GNS: variants seen among roughly 807,000 people sequenced by gnomAD.
The protein encoded by GNS is N-acetylglucosamine-6-sulfatase.
GNS carries 40 observed loss-of-function variants against 69.7 expected under a neutral mutation model. That is an observed-to-expected ratio of 0.57 (90% CI 0.45 to 0.75). The LOEUF is 0.75. Ranked by LOEUF, GNS falls within the 30% of genes least tolerant of loss-of-function variation. GNS has a pLI of 0.00. For synonymous variants in GNS, 243 were observed against 251.6 expected (o/e 0.97, Z 0.32); for missense variants, 565 against 685.5 (o/e 0.82, Z 1.96).
At chr12:64,727,242 C>A (rs1463857738) in intron 10 of GNS, among the ~76,000 whole-genome samples, 36 of 144,532 alleles carry the variant, frequency 2.5e-4, no homozygotes, top group African/African-American at 9.2e-4. Flanking sequence ...TCACCCTGAG[C>A]AATGTAGGGA....
rs547272836 is a variant in GNS at position 64,716,075 on chromosome 12, C to T, written c.*666G>A. 1.3e-4 allele frequency: 20 copies of T among 155,158 alleles called. No homozygotes were observed. Among genetic ancestry groups the T allele is most frequent in the African/African-American group, 4.6e-4 (19 of 41,588 alleles). The allele number at this position is 155,158 out of a possible 1,614,324, so 9.6% of individuals were successfully genotyped here. On this transcript the variant is annotated 3_prime_UTR_variant, in exon 14 of 14. Transcript: ENST00000258145. ...ACCTGGAATTGGCCTTTATCACAAG[C>T]TTACTGCTCTATTTCAGTGCAGCAC...
At position 64,716,779 on chromosome 12, in the gene GNS, T is replaced by C. The variant is rs745781388; in HGVS notation, c.1621A>G (p.Ser541Gly). ...TTGGAAAATCTTCGAGTCCTGACAC[T>C]GCCGCGATTGCTGAACATGAGACGG... ...DPRLMFSNRG[S>G]VRTRRFSKHL... The change falls in exon 14 of 14, where the codon AGT (serine) becomes GGT (glycine). Residue 541 changes from serine to glycine, a missense_variant. This residue lies in a region of GNS where 384 missense variants were observed against 511.0 expected (regional missense o/e 0.75). Coordinates refer to ENST00000258145, the MANE Select transcript of GNS (RefSeq NM_002076.4). 46 of 1,613,620 alleles carry C rather than the reference T, an allele frequency of 2.9e-5. No individual in the cohort carries two copies. The highest frequency in any genetic ancestry group is 1.6e-4 in the Middle Eastern group (1 of 6,062).
chr12:64,730,360 T>C (rs1022680390), intron 9 of GNS, among the ~76,000 whole-genome samples: 4 of 69,940 alleles, frequency 5.7e-5, no homozygotes, highest in Admixed American at 1.9e-4. Flanking sequence ...AACAGGGAGA[T>C]AAAACAAAAC....
In GNS at chr12:64,716,807, G is replaced by C; in HGVS notation, c.1593C>G (p.Asp531Glu). The change falls in exon 14 of 14, where the codon GAC becomes GAG. Residue 531 changes from aspartate to glutamate, a missense_variant. Physicochemically the swap from Asp to Glu is conservative, Grantham distance 45. Coordinates refer to ENST00000258145, the MANE Select transcript of GNS (RefSeq NM_002076.4). The stretch of plus-strand genomic sequence containing the variant: ...CGCGATTGCTGAACATGAGACGGGG[G>C]TCAAACCTGTATCTGGGGAGGAAAA... The part of the protein sequence containing the change: ...PGVFDPGYRF[D>E]PRLMFSNRGS... 6.2e-7 allele frequency: 1 copy of C among 1,610,754 alleles called. No individual in the cohort carries two copies. Among genetic ancestry groups the C allele is most frequent in the Non-Finnish European group, 8.5e-7 (1 of 1,176,892 alleles).
intron 3 of GNS, among the ~76,000 whole-genome samples, chr12:64,746,757 T>C (rs527679232): frequency 2.6e-5 from 4 of 152,346 alleles, no homozygotes; most frequent in African/African-American, 9.6e-5. Context: ...TGCAAAGTAG[T>C]GTAAGCTCTC....
intron 10 of GNS, among the ~76,000 whole-genome samples, chr12:64,726,696 A>C (rs890668053): frequency 2.0e-5 from 3 of 152,030 alleles, no homozygotes; most frequent in African/African-American, 4.8e-5. Context: ...GGGTCTTGCC[A>C]TGTTGCCCAG....
intron 1 of GNS, 81 bp downstream of exon 1, chr12:64,759,004 T>C (rs1442846064): frequency 1.7e-6 from 2 of 1,165,072 alleles, no homozygotes; most frequent in Admixed American, 2.0e-5. Flanking sequence ...GGGAGGAGGG[T>C]GGTGGGGACC....
At chr12:64,741,799 G>A (rs999597362) in intron 6 of GNS, among the ~76,000 whole-genome samples, 2 of 152,090 alleles carry the variant, frequency 1.3e-5, no homozygotes, top group Admixed American at 1.3e-4. Context: ...TATTAAGTTT[G>A]AGAAATGCTG....
At chr12:64,749,293 C>T (rs1213452993) in intron 2 of GNS, among the ~76,000 whole-genome samples, 1 of 131,776 alleles carries the variant, frequency 7.6e-6, no homozygotes, top group Non-Finnish European at 1.6e-5. Context: ...CGCTCTATTG[C>T]CCAGGCTGGA....
At chr12:64,744,591 A>T (rs1455725207) in intron 5 of GNS, among the ~76,000 whole-genome samples, 1 of 152,190 alleles carries the variant, frequency 6.6e-6, no homozygotes, top group Non-Finnish European at 1.5e-5. Flanking sequence ...TGTTGCTGGA[A>T]TTTCAAGAGC....
intron 10 of GNS, among the ~76,000 whole-genome samples, chr12:64,725,424 A>G (rs1226448661): frequency 6.6e-6 from 1 of 152,224 alleles, no homozygotes; most frequent in African/African-American, 2.4e-5. Flanking sequence ...TTTCTGGCTG[A>G]AACATTCTCG....
intron 4 of GNS, 140 bp from the exon 5 acceptor site, chr12:64,745,047 T>A: frequency 1.5e-6 from 1 of 648,176 alleles, no homozygotes. Flanking sequence ...TGAATTGGAT[T>A]TTTTGACTAG....
Position 64,715,720 on chromosome 12 carries a change from A to T in GNS, c.*1021T>A, listed in dbSNP as rs1045496510. ...TTTCCACCTTAAAACAAATGAAGAG[A>T]ATGACAGAAAAATGCAGATAGAGCC... On this transcript the variant is annotated 3_prime_UTR_variant, in exon 14 of 14. Transcript: ENST00000258145. 4 of 153,552 alleles carry T rather than the reference A, an allele frequency of 2.6e-5. No homozygotes were observed. Among genetic ancestry groups the T allele is most frequent in the African/African-American group, 9.6e-5 (4 of 41,484 alleles). 9.5% of individuals were successfully genotyped at this position (153,552 alleles called of 1,614,324 possible).
intron 2 of GNS, 130 bp from the exon 3 acceptor site, chr12:64,748,048 A>ATAT (rs1032141656): frequency 6.1e-5 from 42 of 687,916 alleles, no homozygotes; most frequent in Non-Finnish European, 8.9e-5. Context: ...TGGAATATAT[A>ATAT]TATTTTTTTC....
intron 7 of GNS, among the ~76,000 whole-genome samples, chr12:64,740,121 C>G (rs1161536719): frequency 6.6e-6 from 1 of 152,228 alleles, no homozygotes; most frequent in Non-Finnish European, 1.5e-5. Flanking sequence ...TATTTACTAT[C>G]TGCCCCTTTA....
At chr12:64,741,840 T>A (rs1418075690) in intron 6 of GNS, among the ~76,000 whole-genome samples, 3 of 152,206 alleles carry the variant, frequency 2.0e-5, no homozygotes, top group Non-Finnish European at 4.4e-5. Context: ...GAAATTCACA[T>A]TCGATCATGA....
chr12:64,735,209 T>A (rs570662711), intron 9 of GNS, among the ~76,000 whole-genome samples: 15 of 152,350 alleles, frequency 9.8e-5, no homozygotes, highest in African/African-American at 3.4e-4. Flanking sequence ...AGATAATAAA[T>A]ACTTGTTGAC....
chr12:64,727,761 A>G (rs748995052), intron 10 of GNS, among the ~76,000 whole-genome samples: 47 of 152,156 alleles, frequency 3.1e-4, no homozygotes, highest in Non-Finnish European at 6.2e-4. Flanking sequence ...CTGCACCACA[A>G]TTTAATCAAT....
chr12:64,736,122 G>T lies in GNS; in HGVS notation c.1098+882C>A, dbSNP rs566308716. On this transcript the variant is annotated intron_variant, in intron 9 of 13. Transcript: ENST00000258145. ...ACTGAAACTGAAATTGTGATATCAG[G>T]AAGGAGAGAAGACATAGCTGGTGGA... Among the ~76,000 whole-genome samples, 22 of 152,334 alleles carry T rather than the reference G, an allele frequency of 1.4e-4. No homozygotes were observed. In the South Asian group the frequency reaches 2.3e-3, roughly 16 times the overall value.
Sources: gnomAD v4.1 joint callset for allele counts (sites outside exome capture counted in the v4.1 genomes callset) on GRCh38, gnomAD v4.1.1 for gene constraint, gnomAD v4.1.1 regional missense constraint, MANE v1.5 for transcripts, NCBI Gene and HGNC (gene_info 2026-07-23, HGNC 2026-07-21) for gene names.